The following FLRT2 variants were observed in gnomAD, a reference collection of about 807,000 sequenced individuals.
FLRT2 encodes leucine-rich repeat transmembrane protein FLRT2.
FLRT2 carries 15 observed loss-of-function variants against 40.0 expected under a neutral mutation model. The ratio of observed to expected loss-of-function variants is 0.38; its 90% CI spans 0.25 to 0.58. The LOEUF (loss-of-function observed/expected upper bound fraction) is 0.58, where lower values mean the gene tolerates loss of function less well. Ranked by LOEUF, FLRT2 falls within the 20% of genes least tolerant of loss-of-function variation. The pLI, the probability that FLRT2 is intolerant of heterozygous loss-of-function variation, is 0.71. For synonymous variants in FLRT2, 380 were observed against 336.8 expected (o/e 1.13, Z -1.41); for missense variants, 726 against 840.0 (o/e 0.86, Z 1.68).
chr14:85,617,084 A>G (rs932632348), intron 1 of FLRT2, among the ~76,000 whole-genome samples: 1 of 152,114 alleles, frequency 6.6e-6, no homozygotes, highest in Non-Finnish European at 1.5e-5. Context: ...GGGGACATAT[A>G]TATGGCAACA....
At chr14:85,566,059 C>A (rs1159295460) in intron 1 of FLRT2, among the ~76,000 whole-genome samples, 2 of 152,098 alleles carry the variant, frequency 1.3e-5, no homozygotes, top group East Asian at 3.9e-4. Flanking sequence ...TGTCCTCTGC[C>A]AAATCTAAGC....
At chr14:85,559,640 C>CT (rs896417479) in intron 1 of FLRT2, among the ~76,000 whole-genome samples, 9 of 151,876 alleles carry the variant, frequency 5.9e-5, no homozygotes, top group African/African-American at 2.2e-4. Flanking sequence ...CCCCTTCACA[C>CT]TTTTTTTTAA....
intron 1 of FLRT2, among the ~76,000 whole-genome samples, chr14:85,581,691 A>C (rs1891391252): frequency 6.6e-6 from 1 of 152,152 alleles, no homozygotes; most frequent in Non-Finnish European, 1.5e-5. Context: ...TATTATTTTA[A>C]ATTTATAGAA....
rs1893801256 is a variant in FLRT2, at chr14:85,628,996, G to A, written c.*5499G>A. ...TCAGGCAAATCTTCTCCCTCACTAT[G>A]TCCCTGAAGAAATCTCTTCATCTGA... On this transcript the variant is annotated 3_prime_UTR_variant, in exon 2 of 2. Transcript: ENST00000330753. The A allele has an allele frequency of 6.6e-6, 1 of 152,110 alleles. No homozygotes were observed. Among genetic ancestry groups the A allele is most frequent in the Admixed American group, 6.5e-5 (1 of 15,272 alleles). The allele number at this position is 152,110 out of a possible 1,614,324, so 9.4% of individuals were successfully genotyped here.
rs1894362757 is a variant in FLRT2, at chr14:85,648,619, T to C, written c.*25122T>C. On this transcript the variant is annotated 3_prime_UTR_variant, in exon 2 of 2. Coordinates refer to ENST00000330753, the MANE Select transcript of FLRT2 (RefSeq NM_013231.6). Reference sequence around the variant, plus strand: ...AGTCCCTTTTCTTTCCTCTTTTAGTTCTTCCTATAATTTTCTAAGTGTATA... The same window carrying C: ...AGTCCCTTTTCTTTCCTCTTTTAGTCCTTCCTATAATTTTCTAAGTGTATA... 2 of 152,272 alleles carry C rather than the reference T, an allele frequency of 1.3e-5. No individual in the cohort carries two copies. Among genetic ancestry groups the C allele is most frequent in the South Asian group, 4.1e-4 (2 of 4,826 alleles). The allele number at this position is 152,272 out of a possible 1,614,324, so 9.4% of individuals were successfully genotyped here. A position where few individuals can be genotyped will look rare whatever the true frequency, so the allele number is the denominator to read the frequency against.
intron 1 of FLRT2, among the ~76,000 whole-genome samples, chr14:85,599,385 C>T (rs900167908): frequency 5.3e-5 from 8 of 151,998 alleles, no homozygotes; most frequent in Non-Finnish European, 8.8e-5. Flanking sequence ...ATAAGTAGGG[C>T]GCTACCAAAG....
In FLRT2 at chr14:85,590,650, A is replaced by C. The variant is rs893267460; in HGVS notation, c.-376-30489A>C. ...AGTCTCGCTCTTTCGCCCAGGCTGG[A>C]GTGCAGTGGTGCGGTCTCGGCTCAC... On this transcript the variant is annotated intron_variant, in intron 1 of 1. Coordinates refer to ENST00000330753, the MANE Select transcript of FLRT2 (RefSeq NM_013231.6). 3.3e-5 allele frequency among the ~76,000 whole-genome samples: 5 copies of C among 152,022 alleles called. No homozygotes were observed. In the South Asian group the frequency reaches 1.0e-3, roughly 32 times the overall value.
intron 1 of FLRT2, among the ~76,000 whole-genome samples, chr14:85,574,459 G>C (rs1270656951): frequency 6.6e-6 from 1 of 152,124 alleles, no homozygotes; most frequent in Non-Finnish European, 1.5e-5. Flanking sequence ...CTAATGCAGA[G>C]AGGTCACAAA....
rs1403038847 is a variant in FLRT2, at chr14:85,638,064, A to G, written c.*14567A>G. On this transcript the variant is annotated 3_prime_UTR_variant, in exon 2 of 2. Coordinates refer to ENST00000330753, the MANE Select transcript of FLRT2 (RefSeq NM_013231.6). ...AATGTTTAGTAACCATTATGATGGAAGCTGGGACTAGGTGACTTATTCTAA... is the reference window on the plus strand; with the variant it reads ...AATGTTTAGTAACCATTATGATGGAGGCTGGGACTAGGTGACTTATTCTAA... 1 of 152,192 alleles carries G rather than the reference A, an allele frequency of 6.6e-6. No homozygotes were observed. Among genetic ancestry groups the G allele is most frequent in the Admixed American group, 6.5e-5 (1 of 15,276 alleles). The allele number at this position is 152,192 out of a possible 1,614,324, so 9.4% of individuals were successfully genotyped here.
At chr14:85,575,685 C>A (rs1230301190) in intron 1 of FLRT2, among the ~76,000 whole-genome samples, 2 of 152,104 alleles carry the variant, frequency 1.3e-5, no homozygotes, top group African/African-American at 4.8e-5. Flanking sequence ...GAATAAAGAA[C>A]AATGGGCAGC....
At chr14:85,538,383 G>T (rs1377799182) in intron 1 of FLRT2, among the ~76,000 whole-genome samples, 3 of 152,140 alleles carry the variant, frequency 2.0e-5, no homozygotes, top group Non-Finnish European at 4.4e-5. Flanking sequence ...AAAGACCTCA[G>T]CCATTTTTGA....
Position 85,642,327 on chromosome 14 carries a change from C to T in FLRT2, c.*18830C>T, listed in dbSNP as rs1894169019. On this transcript the variant is annotated 3_prime_UTR_variant, in exon 2 of 2. Coordinates refer to ENST00000330753, the MANE Select transcript of FLRT2 (RefSeq NM_013231.6). Reference sequence around the variant, plus strand: ...GTAGGTTTAAATTATTCTGACTATACTGAACCCCCAAGTCCGATGAGCCTT... The same window carrying T: ...GTAGGTTTAAATTATTCTGACTATATTGAACCCCCAAGTCCGATGAGCCTT... 2 of 152,108 alleles carry T rather than the reference C, an allele frequency of 1.3e-5. No homozygotes were observed. The highest frequency in any genetic ancestry group is 4.8e-5 in the African/African-American group (2 of 41,430). The allele number at this position is 152,108 out of a possible 1,614,324, so 9.4% of individuals were successfully genotyped here. A position where few individuals can be genotyped will look rare whatever the true frequency, so the allele number is the denominator to read the frequency against.
chr14:85,592,808 GA>G (rs35794980), intron 1 of FLRT2, among the ~76,000 whole-genome samples: 7,589 of 128,336 alleles, frequency 0.059, 364 homozygotes, highest in Non-Finnish European at 0.092. Context: ...AAAAAAAAAA[GA>G]AAAAAAAGAA....
chr14:85,574,392 T>A (rs1891031341), intron 1 of FLRT2, among the ~76,000 whole-genome samples: 1 of 152,162 alleles, frequency 6.6e-6, no homozygotes, highest in Non-Finnish European at 1.5e-5. Context: ...TTGTTTTATC[T>A]TGTTTGGCAA....
intron 1 of FLRT2, among the ~76,000 whole-genome samples, chr14:85,602,367 C>T (rs1892414817): frequency 6.6e-6 from 1 of 152,152 alleles, no homozygotes; most frequent in African/African-American, 2.4e-5. Flanking sequence ...AGAATTATTC[C>T]TGGTACACTA....
intron 1 of FLRT2, among the ~76,000 whole-genome samples, chr14:85,558,681 G>C (rs1023174207): frequency 3.9e-5 from 6 of 152,180 alleles, no homozygotes; most frequent in African/African-American, 1.2e-4. Flanking sequence ...AGGGGAAGAT[G>C]TAATTGCTCA....
intron 1 of FLRT2, among the ~76,000 whole-genome samples, chr14:85,583,026 T>A (rs1317362418): frequency 6.6e-6 from 1 of 152,058 alleles, no homozygotes; most frequent in Non-Finnish European, 1.5e-5. Context: ...TAGAAAGCCA[T>A]CTGAAAGAAA....
At chr14:85,588,814 G>A (rs1263997979) in intron 1 of FLRT2, among the ~76,000 whole-genome samples, 4 of 151,814 alleles carry the variant, frequency 2.6e-5, no homozygotes, top group Admixed American at 6.6e-5. Flanking sequence ...TATTCTATAT[G>A]TCTATGAATT....
intron 1 of FLRT2, among the ~76,000 whole-genome samples, chr14:85,536,997 GGAAACTT>G (rs1888700900): frequency 1.3e-5 from 2 of 152,228 alleles, no homozygotes; most frequent in Admixed American, 1.3e-4. Context: ...ACATAACAAG[GGAAACTT>G]GAGACGAGCT....
Sources: allele counts gnomAD v4.1 joint callset (sites outside exome capture counted in the v4.1 genomes callset), GRCh38; gene constraint gnomAD v4.1.1; transcripts MANE v1.5; gene names NCBI Gene and HGNC (gene_info 2026-07-23, HGNC 2026-07-21).